PLCH1: variants seen among roughly 807,000 people sequenced by gnomAD.
PLCH1 encodes 1-phosphatidylinositol 4,5-bisphosphate phosphodiesterase eta-1.
Under a neutral mutation model 126.7 loss-of-function variants are expected in PLCH1, and 60 were observed. The observed-to-expected ratio is 0.47, with a 90% CI of 0.38 to 0.59. The LOEUF (loss-of-function observed/expected upper bound fraction) is 0.59, where lower values mean the gene tolerates loss of function less well. Among genes scored for constraint, PLCH1 ranks in the 20% least tolerant of loss-of-function variants. PLCH1 has a pLI of 0.00. For missense variants in PLCH1, 1,723 were observed against 2,040.0 expected, an observed-to-expected ratio of 0.84 and a Z score of 2.99; for synonymous variants, 719 against 734.9, an observed-to-expected ratio of 0.98 and a Z score of 0.35.
In PLCH1 at chr3:155,481,680, G is replaced by T; in HGVS notation, c.4346C>A (p.Thr1449Asn). 9 of 1,614,132 alleles carry T rather than the reference G, an allele frequency of 5.6e-6. No individual in the cohort carries two copies. The highest frequency in any genetic ancestry group is 5.9e-6 in the Non-Finnish European group (7 of 1,180,016). ...AGCACTAGATTGCTGGGGCACACAG[G>T]TCTGGAACATTTTTGCATCTGAATC... ...FSDSDAKMFQ[T>N]CVPQQSSAQD... The change falls in exon 23 of 23, where the codon ACC becomes AAC. Residue 1449 changes from threonine (T) to asparagine (N), a missense_variant. This residue lies in a region of PLCH1 where 947 missense variants were observed against 977.1 expected (regional missense o/e 0.97). Transcript: ENST00000460012. The surrounding 1 kb of genome is among the most constrained non-coding windows in gnomAD (Gnocchi z 4.2).
intron 10 of PLCH1, among the ~76,000 whole-genome samples, chr3:155,533,564 A>G (rs1722965889): frequency 6.6e-6 from 1 of 152,252 alleles, no homozygotes; most frequent in Non-Finnish European, 1.5e-5. Flanking sequence ...AAAAGAAAGA[A>G]AAGAAAAACC....
chr3:155,553,051 G>T (rs1464830001), intron 9 of PLCH1, among the ~76,000 whole-genome samples: 3 of 152,134 alleles, frequency 2.0e-5, no homozygotes, highest in African/African-American at 7.2e-5. Context: ...CTTATCTTCT[G>T]CTCACTGTTG....
At chr3:155,542,550 C>A (rs1020087764) in intron 10 of PLCH1, among the ~76,000 whole-genome samples, 25 of 152,092 alleles carry the variant, frequency 1.6e-4, no homozygotes, top group Non-Finnish European at 2.8e-4. Flanking sequence ...TCCCAGCACG[C>A]AGCTGGAGAT....
At chr3:155,491,325 A>G (rs1716158293) in intron 18 of PLCH1, among the ~76,000 whole-genome samples, 1 of 152,124 alleles carries the variant, frequency 6.6e-6, no homozygotes, top group African/African-American at 2.4e-5. Flanking sequence ...GTGCAGTGGC[A>G]TGATCTTAGC....
intron 2 of PLCH1, among the ~76,000 whole-genome samples, chr3:155,698,981 ATCT>A (rs1397575048): frequency 7.3e-6 from 1 of 136,890 alleles, no homozygotes; most frequent in African/African-American, 3.1e-5. Context: ...CTTAAGGCCT[ATCT>A]TCTTTTTTTT....
intron 20 of PLCH1, among the ~76,000 whole-genome samples, chr3:155,488,358 C>T (rs772137154): frequency 6.6e-5 from 10 of 152,036 alleles, no homozygotes; most frequent in African/African-American, 1.4e-4. Flanking sequence ...CCACCACACC[C>T]GGCTAATTTT....
intron 8 of PLCH1, among the ~76,000 whole-genome samples, chr3:155,557,163 A>G (rs1726928172): frequency 6.6e-6 from 1 of 152,176 alleles, no homozygotes; most frequent in Admixed American, 6.5e-5. Context: ...ATCTTCTCAC[A>G]AGAGAAGCGT....
intron 21 of PLCH1, among the ~76,000 whole-genome samples, chr3:155,463,200 G>A (rs1007357154): frequency 6.6e-6 from 1 of 152,064 alleles, no homozygotes. Context: ...AGTGAAATAG[G>A]TACTTCAGTC....
chr3:155,663,645 C>A (rs188655470), intron 2 of PLCH1, among the ~76,000 whole-genome samples: 1 of 152,136 alleles, frequency 6.6e-6, no homozygotes, highest in Non-Finnish European at 1.5e-5. Flanking sequence ...GTGTGCCTCA[C>A]GCAGGGGCTA....
chr3:155,461,571 G>A (rs926138949), intron 21 of PLCH1, among the ~76,000 whole-genome samples: 5 of 152,186 alleles, frequency 3.3e-5, no homozygotes, highest in African/African-American at 9.7e-5. Flanking sequence ...TCACCTACCT[G>A]TTTGGCTCTG....
At chr3:155,744,149 G>A (rs1749815184) in intron 1 of PLCH1, among the ~76,000 whole-genome samples, 1 of 152,190 alleles carries the variant, frequency 6.6e-6, no homozygotes, top group African/African-American at 2.4e-5. Context: ...GCTCAACAGG[G>A]AACTGGGTTT....
chr3:155,482,290 A>G lies in PLCH1; in HGVS notation c.3736T>C (p.Ser1246Pro), dbSNP rs1184608620. Residue 1246 changes from serine to proline, a missense_variant, in exon 23 of 23, where the codon TCA (serine) becomes CCA (proline). Physicochemically the swap from Ser to Pro is moderately conservative, Grantham distance 74. This residue lies in a region of PLCH1 where 947 missense variants were observed against 977.1 expected (regional missense o/e 0.97). Coordinates refer to ENST00000460012, the MANE Select transcript of PLCH1 (RefSeq NM_014996.4). The part of the protein sequence containing the change: ...KGKSKSSFLC[S>P]SPELIALSSS... ...GAGAGTGCTATCAGCTCCGGAGATG[A>G]GCACAGGAAGGAAGACTTGGATTTT... 1 of 1,614,178 alleles carries G rather than the reference A, an allele frequency of 6.2e-7. No homozygotes were observed. The highest frequency in any genetic ancestry group is 1.7e-5 in the Admixed American group (1 of 60,016).
rs773423819 is a variant in PLCH1 at position 155,482,251 on chromosome 3, T to C, written c.3775A>G (p.Thr1259Ala). The C allele has an allele frequency of 6.2e-7, 1 of 1,614,170 alleles. No homozygotes were observed. The highest frequency in any genetic ancestry group is 8.5e-7 in the Non-Finnish European group (1 of 1,180,018). Residue 1259 changes from threonine (T) to alanine (A), a missense_variant, in exon 23 of 23, where the codon ACC becomes GCC. Transcript: ENST00000460012. The stretch of plus-strand genomic sequence containing the variant: ...TAAACTGTGTTCGTTGCATGTTTGG[T>C]GGTCTCAGAACTCGAGAGTGCTATC... ...ELIALSSSET[T>A]KHATNTVYET...
intron 10 of PLCH1, among the ~76,000 whole-genome samples, chr3:155,533,428 C>A (rs1722953221): frequency 6.6e-6 from 1 of 152,164 alleles, no homozygotes; most frequent in African/African-American, 2.4e-5. Flanking sequence ...TGCCTGTAAT[C>A]CCAGCTACTT....
intron 2 of PLCH1, among the ~76,000 whole-genome samples, chr3:155,653,570 A>T (rs547936409): frequency 6.6e-6 from 1 of 152,284 alleles, no homozygotes; most frequent in East Asian, 1.9e-4. Flanking sequence ...AACAAAGCTC[A>T]TTTTAAATAT....
In PLCH1 at chr3:155,565,074, G is replaced by T. The variant is rs1178326338; in HGVS notation, c.910C>A (p.Pro304Thr). ...TCTTGGTACACTTCATGGTGCAATG[G>T]GTTAAATATGTCACAGGCAGGACTA... ...MRSPACDIFNPLHHEVYQDMD... is the reference protein window; with the variant it reads ...MRSPACDIFNTLHHEVYQDMD... Residue 304 changes from proline to threonine, a missense_variant, in exon 8 of 23, where the codon CCA becomes ACA. Pro to Thr is a conservative substitution (Grantham distance 38). Coordinates refer to ENST00000460012, the MANE Select transcript of PLCH1 (RefSeq NM_014996.4). 1.9e-6 allele frequency: 3 copies of T among 1,613,844 alleles called. No homozygotes were observed. Among genetic ancestry groups the T allele is most frequent in the Admixed American group, 3.3e-5 (2 of 60,006 alleles).
At chr3:155,725,785 C>G (rs1748276248) in intron 1 of PLCH1, among the ~76,000 whole-genome samples, 1 of 152,150 alleles carries the variant, frequency 6.6e-6, no homozygotes, top group Non-Finnish European at 1.5e-5. Context: ...TCTTCATCCA[C>G]TCTAACAATC....
intron 10 of PLCH1, among the ~76,000 whole-genome samples, chr3:155,531,361 A>G (rs1338933444): frequency 9.2e-5 from 14 of 152,322 alleles, no homozygotes; most frequent in Admixed American, 9.2e-4. Context: ...ACAGTGGCTC[A>G]CGCCTGTAAT....
chr3:155,637,375 T>C (rs1374158509), intron 2 of PLCH1, among the ~76,000 whole-genome samples: 1 of 152,224 alleles, frequency 6.6e-6, no homozygotes, highest in African/African-American at 2.4e-5. Context: ...AAGTTCTATA[T>C]GACTTTGGCC....
Sources: gnomAD v4.1 joint callset for allele counts (sites outside exome capture counted in the v4.1 genomes callset) on GRCh38, gnomAD v4.1.1 for gene constraint, gnomAD v4.1.1 regional missense constraint, Gnocchi (gnomAD v3.1) non-coding constraint, MANE v1.5 for transcripts, NCBI Gene and HGNC (gene_info 2026-07-23, HGNC 2026-07-21) for gene names.